The following TRIM64B variants were observed in gnomAD, a reference collection of about 807,000 sequenced individuals.
TRIM64B encodes the protein tripartite motif containing 64B, also known as tripartite motif-containing protein 64B.
For missense variants in TRIM64B, 57 were observed against 536.4 expected (o/e 0.11, Z 8.83); for synonymous variants, 17 against 190.3 (o/e 0.09, Z 7.50).
At chr11:89,877,756 A>G (rs1378559385), upstream of TRIM64B, among the ~76,000 whole-genome samples, 2 of 149,430 alleles carry the variant, frequency 1.3e-5, no homozygotes, top group Non-Finnish European at 3.0e-5. Flanking sequence ...AGTAGCTGGT[A>G]TTACAGGTGC....
chr11:89,872,832 G>A (rs2134704443), intron 4 of TRIM64B, among the ~76,000 whole-genome samples: 1 of 151,856 alleles, frequency 6.6e-6, no homozygotes, highest in African/African-American at 2.4e-5. Context: ...CTGGGTGTAT[G>A]GTGATGGAGC....
chr11:89,875,194 G>A, intron 1 of TRIM64B, 121 bp from the exon 3 acceptor site: 1 of 995,384 alleles, frequency 1.0e-6, no homozygotes, highest in Non-Finnish European at 1.5e-6. Context: ...GAAGTGGTCA[G>A]ATTTTTCCAA....
chr11:89,876,313 A>G (rs1462482485), upstream of TRIM64B, among the ~76,000 whole-genome samples: 3 of 145,052 alleles, frequency 2.1e-5, no homozygotes, highest in African/African-American at 7.4e-5. Context: ...TATGTAACCT[A>G]AACCTATCCT....
intron 4 of TRIM64B, among the ~76,000 whole-genome samples, chr11:89,873,054 T>A (rs1473070127): frequency 6.6e-6 from 1 of 151,976 alleles, no homozygotes; most frequent in Non-Finnish European, 1.5e-5. Flanking sequence ...AAGAACAAAC[T>A]TCCGAATGGC....
chr11:89,878,096 T>C (rs1378967138), upstream of TRIM64B, among the ~76,000 whole-genome samples: 18 of 144,768 alleles, frequency 1.2e-4, no homozygotes, highest in Non-Finnish European at 2.5e-4. Context: ...ACATTTTAGG[T>C]ATTTTATGGG....
At chr11:89,876,221 C>T (rs1241138062), upstream of TRIM64B, among the ~76,000 whole-genome samples, 5 of 133,848 alleles carry the variant, frequency 3.7e-5, no homozygotes, top group Admixed American at 7.9e-5. Flanking sequence ...CCTCAATAGC[C>T]ATCGAAGATT....
upstream of TRIM64B, among the ~76,000 whole-genome samples, chr11:89,876,519 G>C (rs1256811946): frequency 6.7e-6 from 1 of 149,516 alleles, no homozygotes; most frequent in Non-Finnish European, 1.5e-5. Context: ...TCAGGAGATC[G>C]AGACCATCCT....
At chr11:89,874,104 T>G (rs1160868916) in exon 3 of TRIM64B, 6 of 1,549,130 alleles carry the variant, frequency 3.9e-6, no homozygotes, top group Non-Finnish European at 5.2e-6. Flanking sequence ...TCTGTACATG[T>G]CTTTCATCCT....
chr11:89,875,156 T>G, intron 1 of TRIM64B, 83 bp from the exon 3 acceptor site: 1 of 1,503,816 alleles, frequency 6.6e-7, no homozygotes, highest in Non-Finnish European at 9.0e-7. Context: ...AAGGCTGTAA[T>G]TGAAAGAAAC....
chr11:89,878,317 G>A (rs1950177842), upstream of TRIM64B, among the ~76,000 whole-genome samples: 2 of 129,674 alleles, frequency 1.5e-5, no homozygotes, highest in South Asian at 5.0e-4. Flanking sequence ...TAAATTTAAA[G>A]CATGTTTAAG....
At chr11:89,872,021 G>A (rs969583999) in intron 5 of TRIM64B, among the ~76,000 whole-genome samples, 194 bp downstream of exon 6, 1,272 of 111,184 alleles carry the variant, frequency 0.011, 13 homozygotes, top group African/African-American at 0.042. Context: ...TTACATTTTC[G>A]TCAAACTGTA....
At chr11:89,877,559 G>T (rs1366849185), upstream of TRIM64B, among the ~76,000 whole-genome samples, 1 of 147,920 alleles carries the variant, frequency 6.8e-6, no homozygotes, top group African/African-American at 2.4e-5. Flanking sequence ...GGGAGCCCTT[G>T]CCAGTTGGTT....
At chr11:89,875,287 TATC>T (rs1368240392) in intron 1 of TRIM64B, among the ~76,000 whole-genome samples, 3 of 152,260 alleles carry the variant, frequency 2.0e-5, no homozygotes, top group African/African-American at 7.2e-5. Flanking sequence ...CTTCAGATAA[TATC>T]ATCAATATTC....
chr11:89,878,022 C>G (rs1404525648), upstream of TRIM64B, among the ~76,000 whole-genome samples: 68 of 148,104 alleles, frequency 4.6e-4, no homozygotes, highest in Non-Finnish European at 5.9e-4. Context: ...CAAAGTAATT[C>G]AACATTTTTA....
At chr11:89,871,363 C>T (rs1950106045) in intron 5 of TRIM64B, among the ~76,000 whole-genome samples, 1 of 152,224 alleles carries the variant, frequency 6.6e-6, no homozygotes, top group African/African-American at 2.4e-5. Context: ...TTAATGTCTA[C>T]ATCTGCATAG....
intron 1 of TRIM64B, 145 bp from the exon 3 acceptor site, chr11:89,875,218 G>T: frequency 2.8e-6 from 2 of 706,968 alleles, no homozygotes; most frequent in Admixed American, 2.9e-5. Flanking sequence ...AAACACATTT[G>T]GTTCTAATAA....
At chr11:89,876,999 C>T (rs1293316439), upstream of TRIM64B, among the ~76,000 whole-genome samples, 4 of 145,152 alleles carry the variant, frequency 2.8e-5, no homozygotes, top group Admixed American at 1.4e-4. Flanking sequence ...AGCTAATTAA[C>T]GAAGAAGCAC....
chr11:89,876,003 G>C, exon 1 of TRIM64B: 1 of 1,503,158 alleles, frequency 6.7e-7, no homozygotes, highest in Admixed American at 2.4e-5. Flanking sequence ...AGACTTGCAG[G>C]TCGTCTGAAT....
upstream of TRIM64B, among the ~76,000 whole-genome samples, chr11:89,876,391 A>G (rs1406223714): frequency 6.7e-6 from 1 of 148,468 alleles, no homozygotes; most frequent in Non-Finnish European, 1.5e-5. Context: ...AAATACTTGT[A>G]ATGCCATACT....
Sources: allele counts gnomAD v4.1 joint callset (sites outside exome capture counted in the v4.1 genomes callset), GRCh38; gene constraint gnomAD v4.1.1; transcripts MANE v1.5; gene names NCBI Gene and HGNC (gene_info 2026-07-23, HGNC 2026-07-21).